TENM4: variants seen among roughly 807,000 people sequenced by gnomAD.
TENM4 encodes the protein teneurin-4.
Under a neutral mutation model 243.3 loss-of-function variants are expected in TENM4, and 82 were observed. That is an observed-to-expected ratio of 0.34 (90% CI 0.28 to 0.40). The LOEUF (loss-of-function observed/expected upper bound fraction) is 0.40, where lower values mean the gene tolerates loss of function less well. Among genes scored for constraint, TENM4 ranks in the 10% least tolerant of loss-of-function variants. The pLI is 1.00. For missense variants in TENM4, 3,138 were observed against 3,673.3 expected (o/e 0.85, Z 3.77); for synonymous variants, 1,412 against 1,456.3 (o/e 0.97, Z 0.69).
intron 6 of TENM4, among the ~76,000 whole-genome samples, chr11:79,000,080 T>C (rs1365822106): frequency 6.6e-6 from 1 of 152,224 alleles, no homozygotes; most frequent in East Asian, 1.9e-4. Context: ...ACTCCTCATC[T>C]TAAACAATGG....
chr11:78,746,627 G>A (rs1252319104), intron 19 of TENM4, among the ~76,000 whole-genome samples: 1 of 152,242 alleles, frequency 6.6e-6, no homozygotes, highest in Admixed American at 6.5e-5. Context: ...CATCGACTAT[G>A]GTGAGGGAGA....
intron 2 of TENM4, among the ~76,000 whole-genome samples, chr11:79,227,090 A>C (rs552565125): frequency 1.3e-5 from 2 of 152,216 alleles, no homozygotes; most frequent in African/African-American, 4.8e-5. Context: ...AGATGAGCAG[A>C]CAGCAGCCAG....
At chr11:78,715,964 G>T (rs1052631819) in intron 25 of TENM4, among the ~76,000 whole-genome samples, 1 of 152,160 alleles carries the variant, frequency 6.6e-6, no homozygotes, top group African/African-American at 2.4e-5. Context: ...ATGCATCTGT[G>T]ACCACCTAGG....
chr11:79,092,083 G>A (rs533478670), intron 4 of TENM4, among the ~76,000 whole-genome samples: 1 of 152,218 alleles, frequency 6.6e-6, no homozygotes, highest in East Asian at 1.9e-4. Context: ...GGTGGGTGTT[G>A]GTCTCATTCA....
At chr11:79,040,680 A>C (rs927713680) in intron 6 of TENM4, among the ~76,000 whole-genome samples, 4 of 152,298 alleles carry the variant, frequency 2.6e-5, no homozygotes, top group Admixed American at 6.5e-5. Context: ...AGGGAGGATG[A>C]TGCTGCTGCC....
chr11:78,997,537 T>C (rs1458429737), intron 6 of TENM4, among the ~76,000 whole-genome samples: 1 of 152,212 alleles, frequency 6.6e-6, no homozygotes, highest in Non-Finnish European at 1.5e-5. Context: ...ACAGTGCCTC[T>C]CAGTAGGATG....
intron 9 of TENM4, among the ~76,000 whole-genome samples, 161 bp from the exon 10 acceptor site, chr11:78,863,293 G>A (rs1160356352): frequency 6.6e-6 from 1 of 152,232 alleles, no homozygotes; most frequent in Non-Finnish European, 1.5e-5. Context: ...CCCTGCAAAG[G>A]AGACTGGGGA....
intron 4 of TENM4, among the ~76,000 whole-genome samples, chr11:79,139,775 A>AT (rs1380844161): frequency 2.7e-5 from 1 of 36,576 alleles, no homozygotes; most frequent in East Asian, 3.9e-4. Flanking sequence ...ATATAAATAT[A>AT]TAATATATAT....
At chr11:78,921,928 C>A (rs763973306) in intron 6 of TENM4, among the ~76,000 whole-genome samples, 3 of 152,182 alleles carry the variant, frequency 2.0e-5, no homozygotes, top group Non-Finnish European at 4.4e-5. Context: ...GAGGGAATAG[C>A]ACGAATGTCA....
intron 1 of TENM4, among the ~76,000 whole-genome samples, chr11:79,319,083 G>A (rs1051630772): frequency 2.0e-5 from 3 of 152,174 alleles, no homozygotes; most frequent in Non-Finnish European, 4.4e-5. Context: ...GGCCCCATAA[G>A]GCAGATTGGA....
intron 4 of TENM4, among the ~76,000 whole-genome samples, chr11:79,121,918 A>C (rs1159606969): frequency 6.6e-6 from 1 of 152,246 alleles, no homozygotes; most frequent in Admixed American, 6.5e-5. Flanking sequence ...GAACATATGC[A>C]AAGCACCTGG....
At chr11:78,943,432 G>A (rs538019774) in intron 6 of TENM4, among the ~76,000 whole-genome samples, 8 of 152,308 alleles carry the variant, frequency 5.3e-5, no homozygotes, top group Non-Finnish European at 1.0e-4. Flanking sequence ...GAGTGGAAAT[G>A]TCTGACCCAT....
At chr11:79,203,410 A>AT (rs1863787139) in intron 3 of TENM4, among the ~76,000 whole-genome samples, 1 of 152,258 alleles carries the variant, frequency 6.6e-6, no homozygotes. Flanking sequence ...ATGTGCACAC[A>AT]ATGGAATATT....
chr11:79,362,467 G>T (rs1012573748), intron 1 of TENM4, among the ~76,000 whole-genome samples: 2 of 152,230 alleles, frequency 1.3e-5, no homozygotes, highest in African/African-American at 4.8e-5. Context: ...TAAATTGAAG[G>T]TTTTATGATG....
rs978486523 is a variant in TENM4 at position 78,916,101 on chromosome 11, G to A, written c.494-12578C>T. Among the ~76,000 whole-genome samples the A allele has an allele frequency of 2.0e-5, 3 of 152,304 alleles. No individual in the cohort carries two copies. In the South Asian group the frequency reaches 6.2e-4, roughly 32 times the overall value. ...CCACAAACCTCATTCAAACAGCACA[G>A]TGGCCAGGAGGTTGAGTGCTGAATC... On this transcript the variant is annotated intron_variant, in intron 6 of 33. Transcript: ENST00000278550.
chr11:79,107,786 G>A (rs1042643994), intron 4 of TENM4, among the ~76,000 whole-genome samples: 2 of 152,142 alleles, frequency 1.3e-5, no homozygotes, highest in African/African-American at 2.4e-5. Flanking sequence ...ATTTTCACAC[G>A]TTATTGCATT....
intron 6 of TENM4, among the ~76,000 whole-genome samples, chr11:78,937,820 A>C (rs1263390075): frequency 6.6e-6 from 1 of 152,184 alleles, no homozygotes; most frequent in Non-Finnish European, 1.5e-5. Context: ...CAACGAATGC[A>C]CTTTTTGGTC....
chr11:78,925,534 A>C (rs1207488261), intron 6 of TENM4, among the ~76,000 whole-genome samples: 8 of 152,108 alleles, frequency 5.3e-5, no homozygotes, highest in Admixed American at 1.3e-4. Context: ...CTCCCACCCA[A>C]GTGTGGGAGT....
intron 4 of TENM4, among the ~76,000 whole-genome samples, chr11:79,080,585 C>G (rs1591266777): frequency 6.6e-6 from 1 of 152,308 alleles, no homozygotes; most frequent in South Asian, 2.1e-4. Flanking sequence ...GAATGTCCCC[C>G]CTGCACCCCT....
Sources: gnomAD v4.1 joint callset for allele counts (sites outside exome capture counted in the v4.1 genomes callset) on GRCh38, gnomAD v4.1.1 for gene constraint, MANE v1.5 for transcripts, NCBI Gene and HGNC (gene_info 2026-07-23, HGNC 2026-07-21) for gene names.